HCN1: variants seen among roughly 807,000 people sequenced by gnomAD.
The protein encoded by HCN1 is hyperpolarization activated cyclic nucleotide gated potassium channel 1.
A neutral mutation model predicts 78.9 loss-of-function variants in HCN1; 13 were observed. That is an observed-to-expected ratio of 0.16 (90% CI 0.11 to 0.26). The LOEUF (loss-of-function observed/expected upper bound fraction) is 0.26. Among genes scored for constraint, HCN1 ranks in the 10% least tolerant of loss-of-function variants. HCN1 has a pLI of 1.00. For synonymous variants in HCN1, 552 were observed against 455.5 expected (o/e 1.21, Z -2.70); for missense variants, 810 against 1,154.3 (o/e 0.70, Z 4.32).
chr5:45,301,878 C>T (rs1745630290), intron 6 of HCN1, among the ~76,000 whole-genome samples: 1 of 151,544 alleles, frequency 6.6e-6, no homozygotes, highest in Non-Finnish European at 1.5e-5. Flanking sequence ...ATTGTAAATG[C>T]AATTAAGAAA....
At position 45,453,599 on chromosome 5, in the gene HCN1, C is replaced by T. The variant is rs74852642; in HGVS notation, c.1011+8247G>A. On this transcript the variant is annotated intron_variant, in intron 3 of 7. Coordinates refer to ENST00000303230, the MANE Select transcript of HCN1 (RefSeq NM_021072.4). ...ATAAAAGATGAAGTTGTCTGGGGCT[C>T]ATGAAGTAGAATGGTATGGTGGGTT... Among the ~76,000 whole-genome samples, 397 of 152,162 alleles carry T rather than the reference C, an allele frequency of 2.6e-3. 8 individuals are homozygous for T. The East Asian group carries it at 0.062, about 24-fold the overall frequency.
chr5:45,378,870 GTGTT>G (rs1747745607), intron 4 of HCN1, among the ~76,000 whole-genome samples: 1 of 152,018 alleles, frequency 6.6e-6, no homozygotes, highest in South Asian at 2.1e-4. Flanking sequence ...AGAACATGCG[GTGTT>G]TGTTTTTTTG....
intron 4 of HCN1, among the ~76,000 whole-genome samples, chr5:45,394,515 T>C (rs1239425707): frequency 6.6e-6 from 1 of 152,222 alleles, no homozygotes; most frequent in Non-Finnish European, 1.5e-5. Context: ...ACATATACTT[T>C]TCATAAAAAG....
At chr5:45,527,051 C>T (rs1742750797) in intron 2 of HCN1, among the ~76,000 whole-genome samples, 1 of 134,028 alleles carries the variant, frequency 7.5e-6, no homozygotes, top group African/African-American at 2.8e-5. Flanking sequence ...TCTTTTCTCC[C>T]TCTTTCTCTC....
In HCN1 at chr5:45,255,952, A is replaced by G. The variant is rs148296631; in HGVS notation, c.*5969T>C. 7.1e-4 allele frequency: 108 copies of G among 152,268 alleles called. No individual in the cohort carries two copies. Among genetic ancestry groups the G allele is most frequent in the African/African-American group, 2.4e-3 (100 of 41,550 alleles). The allele number at this position is 152,268 out of a possible 1,614,324, so 9.4% of individuals were successfully genotyped here. A position where few individuals can be genotyped will look rare whatever the true frequency, so the allele number is the denominator to read the frequency against. ...TTACCTGAATTCAATTATATAATCTATTGGAAACATAAAGTGGTCCTCTTT... is the reference window on the plus strand; with the variant it reads ...TTACCTGAATTCAATTATATAATCTGTTGGAAACATAAAGTGGTCCTCTTT... On this transcript the variant is annotated 3_prime_UTR_variant, in exon 8 of 8. Coordinates refer to ENST00000303230, the MANE Select transcript of HCN1 (RefSeq NM_021072.4).
intron 2 of HCN1, among the ~76,000 whole-genome samples, chr5:45,470,770 G>A (rs567729972): frequency 3.3e-5 from 5 of 151,968 alleles, no homozygotes; most frequent in African/African-American, 1.2e-4. Context: ...AGTAATATTA[G>A]GCACTGGGTT....
chr5:45,289,011 AT>A (rs1403213526), intron 6 of HCN1, among the ~76,000 whole-genome samples: 26 of 152,030 alleles, frequency 1.7e-4, no homozygotes, highest in African/African-American at 6.0e-4. Flanking sequence ...AAATGAACCT[AT>A]TCATGTAGCA....
intron 5 of HCN1, among the ~76,000 whole-genome samples, chr5:45,312,793 T>C (rs1192365804): frequency 1.3e-5 from 2 of 152,128 alleles, no homozygotes; most frequent in Non-Finnish European, 2.9e-5. Context: ...TGAGATAGAA[T>C]CGCAAGGTGG....
At chr5:45,475,746 G>A (rs1335373692) in intron 2 of HCN1, among the ~76,000 whole-genome samples, 1 of 152,130 alleles carries the variant, frequency 6.6e-6, no homozygotes, top group East Asian at 1.9e-4. Context: ...TATGTAGCAT[G>A]AGAGTTAAGA....
chr5:45,355,609 C>T (rs1746992239), intron 4 of HCN1, among the ~76,000 whole-genome samples: 1 of 151,902 alleles, frequency 6.6e-6, no homozygotes, highest in Admixed American at 6.6e-5. Context: ...CATCCTAATG[C>T]CTCTATGTAG....
intron 1 of HCN1, among the ~76,000 whole-genome samples, chr5:45,656,118 C>A (rs981741784): frequency 6.6e-6 from 1 of 152,046 alleles, no homozygotes; most frequent in Non-Finnish European, 1.5e-5. Flanking sequence ...AAGACATGTT[C>A]GTAAATTGCA....
chr5:45,368,003 G>T (rs533879270), intron 4 of HCN1, among the ~76,000 whole-genome samples: 1 of 151,940 alleles, frequency 6.6e-6, no homozygotes. Context: ...TAGGTTACTG[G>T]ATCTTGACTG....
intron 1 of HCN1, among the ~76,000 whole-genome samples, chr5:45,650,724 G>A: frequency 6.6e-6 from 1 of 151,872 alleles, no homozygotes; most frequent in Non-Finnish European, 1.5e-5. Context: ...GAGATAAAGT[G>A]GCGTTGTAAA....
At chr5:45,596,441 A>C (rs1744496957) in intron 2 of HCN1, among the ~76,000 whole-genome samples, 1 of 152,236 alleles carries the variant, frequency 6.6e-6, no homozygotes. Context: ...AATTTATTTA[A>C]TCTGACTTCC....
intron 2 of HCN1, among the ~76,000 whole-genome samples, chr5:45,526,349 A>G (rs528511466): frequency 6.6e-6 from 1 of 151,856 alleles, no homozygotes; most frequent in East Asian, 2.0e-4. Context: ...CCTAAACTAA[A>G]CTCCCTGGGA....
chr5:45,676,428 A>C (rs138153444), intron 1 of HCN1, among the ~76,000 whole-genome samples: 4 of 151,902 alleles, frequency 2.6e-5, no homozygotes, highest in African/African-American at 9.6e-5. Context: ...TTATACTATT[A>C]AAATATTTTT....
intron 6 of HCN1, among the ~76,000 whole-genome samples, chr5:45,290,838 C>A (rs1325951557): frequency 1.3e-5 from 2 of 151,084 alleles, no homozygotes; most frequent in African/African-American, 4.9e-5. Flanking sequence ...CATGAAGAAA[C>A]AAAAGAGATG....
chr5:45,498,563 C>G (rs963639388), intron 2 of HCN1, among the ~76,000 whole-genome samples: 3 of 152,316 alleles, frequency 2.0e-5, no homozygotes, highest in East Asian at 3.9e-4. Context: ...ATTTGATCGT[C>G]TGAAGCCTTC....
At chr5:45,352,101 C>T (rs1264718017) in intron 5 of HCN1, among the ~76,000 whole-genome samples, 1 of 152,082 alleles carries the variant, frequency 6.6e-6, no homozygotes, top group Non-Finnish European at 1.5e-5. Context: ...GCACTATTCC[C>T]AATAGCAAAG....
Sources: allele counts gnomAD v4.1 joint callset (sites outside exome capture counted in the v4.1 genomes callset), GRCh38; gene constraint gnomAD v4.1.1; transcripts MANE v1.5; gene names NCBI Gene and HGNC (gene_info 2026-07-23, HGNC 2026-07-21).